The following THSD7B variants were observed in gnomAD, a reference collection of about 807,000 sequenced individuals.
The protein encoded by THSD7B is thrombospondin type 1 domain containing 7B, also known as thrombospondin type-1 domain-containing protein 7B.
Under a neutral mutation model 213.6 loss-of-function variants are expected in THSD7B, and 138 were observed. That is an observed-to-expected ratio of 0.65 (90% CI 0.56 to 0.74). The LOEUF (loss-of-function observed/expected upper bound fraction) is 0.74. Ranked by LOEUF, THSD7B falls within the 30% of genes least tolerant of loss-of-function variation. The probability of loss-of-function intolerance (pLI) is 0.00; values close to 1 mark genes in which losing one functional copy is unlikely to be tolerated. For missense variants in THSD7B, 1,931 were observed against 1,991.5 expected, an observed-to-expected ratio of 0.97 and a Z score of 0.58; for synonymous variants, 742 against 687.0, an observed-to-expected ratio of 1.08 and a Z score of -1.25.
At chr2:137,068,495 C>T (rs914700977) in intron 3 of THSD7B, among the ~76,000 whole-genome samples, 2 of 152,070 alleles carry the variant, frequency 1.3e-5, no homozygotes, top group African/African-American at 4.8e-5. Context: ...CCATAGTTGA[C>T]ATTGCTGTCT....
chr2:136,895,472 GT>G (rs1683940627), intron 2 of THSD7B, among the ~76,000 whole-genome samples: 1 of 142,252 alleles, frequency 7.0e-6, no homozygotes, highest in South Asian at 2.3e-4. Flanking sequence ...ATTTTGGGTG[GT>G]TGATGATCCA....
intron 2 of THSD7B, among the ~76,000 whole-genome samples, chr2:136,934,370 CAT>C (rs1356796070): frequency 6.6e-6 from 1 of 152,036 alleles, no homozygotes; most frequent in East Asian, 1.9e-4. Flanking sequence ...AAATGAGAAA[CAT>C]AACAATATAA....
At chr2:136,769,543 G>A (rs796973786) in intron 1 of THSD7B, among the ~76,000 whole-genome samples, 12 of 152,108 alleles carry the variant, frequency 7.9e-5, no homozygotes, top group African/African-American at 1.7e-4. Context: ...GAATCTAAGC[G>A]TGGTTTGTAA....
Position 137,563,323 on chromosome 2 carries a change from T to G in THSD7B, c.3241T>G (p.Cys1081Gly). ...KINNELRSLR[C>G]GGGTQSRKIR... ...CAACAATGAGCTGAGGTCCCTGCGC[T>G]GTGGAGGAGGAACACAATCTAGGAA... Residue 1081 changes from cysteine to glycine, a missense_variant, in exon 16 of 28, where the codon TGT becomes GGT. Transcript: ENST00000409968. 6.2e-7 allele frequency: 1 copy of G among 1,613,314 alleles called. No homozygotes were observed. Among genetic ancestry groups the G allele is most frequent in the Non-Finnish European group, 8.5e-7 (1 of 1,179,542 alleles).
intron 3 of THSD7B, among the ~76,000 whole-genome samples, chr2:137,074,500 C>T (rs570728887): frequency 6.6e-6 from 1 of 152,156 alleles, no homozygotes; most frequent in Non-Finnish European, 1.5e-5. Flanking sequence ...AGATGGGTTT[C>T]CTGAATAGAG....
chr2:137,394,412 A>G (rs1275858953), intron 12 of THSD7B, among the ~76,000 whole-genome samples: 1 of 138,546 alleles, frequency 7.2e-6, no homozygotes, highest in Non-Finnish European at 1.6e-5. Context: ...TGTTTATTAA[A>G]TAGGGAATCC....
chr2:137,545,100 G>A (rs78506175), intron 15 of THSD7B, among the ~76,000 whole-genome samples: 5,675 of 151,822 alleles, frequency 0.037, 171 homozygotes, highest in Admixed American at 0.083. Context: ...ATGTTTGTGG[G>A]AATGCAGCTG....
At chr2:137,434,574 G>T (rs772653634) in intron 14 of THSD7B, among the ~76,000 whole-genome samples, 4 of 152,194 alleles carry the variant, frequency 2.6e-5, no homozygotes, top group Admixed American at 6.5e-5. Flanking sequence ...TCTTTCACGA[G>T]CTCATGGCTC....
chr2:137,582,957 CA>C (rs1681615982), intron 17 of THSD7B, among the ~76,000 whole-genome samples: 1 of 152,224 alleles, frequency 6.6e-6, no homozygotes, highest in Non-Finnish European at 1.5e-5. Flanking sequence ...CTCCCACCAA[CA>C]GTGTAAAAGT....
intron 12 of THSD7B, among the ~76,000 whole-genome samples, chr2:137,370,856 CATTA>C (rs1235404385): frequency 4.6e-5 from 7 of 151,986 alleles, no homozygotes; most frequent in East Asian, 1.9e-4. Context: ...TATATAATTT[CATTA>C]ATTAATATAT....
chr2:136,970,406 T>C (rs542986056), intron 2 of THSD7B, among the ~76,000 whole-genome samples: 6 of 152,020 alleles, frequency 3.9e-5, no homozygotes, highest in African/African-American at 1.4e-4. Flanking sequence ...GCAGAGGTTG[T>C]AGTGAGCTGA....
chr2:137,424,507 T>C (rs141427087), intron 14 of THSD7B, among the ~76,000 whole-genome samples: 1 of 152,116 alleles, frequency 6.6e-6, no homozygotes, highest in African/African-American at 2.4e-5. Flanking sequence ...CCAAATTCAA[T>C]AGCACATTAA....
intron 21 of THSD7B, among the ~76,000 whole-genome samples, chr2:137,642,972 G>A (rs921344934): frequency 2.6e-5 from 4 of 152,158 alleles, no homozygotes; most frequent in African/African-American, 9.7e-5. Flanking sequence ...CTGATGCTGT[G>A]AAAATGCATA....
intron 2 of THSD7B, among the ~76,000 whole-genome samples, chr2:136,986,199 G>C (rs1172639625): frequency 6.6e-6 from 1 of 152,074 alleles, no homozygotes; most frequent in African/African-American, 2.4e-5. Flanking sequence ...ATTAGGGGGG[G>C]ACTATTACTA....
At chr2:137,205,020 G>A (rs913442913) in intron 7 of THSD7B, among the ~76,000 whole-genome samples, 6 of 151,992 alleles carry the variant, frequency 3.9e-5, no homozygotes, top group Admixed American at 1.3e-4. Context: ...CACCCACACG[G>A]ATGACCCAAA....
chr2:136,971,660 A>ACACACACACG (rs1169771861), intron 2 of THSD7B, among the ~76,000 whole-genome samples: 1 of 151,208 alleles, frequency 6.6e-6, no homozygotes, highest in Non-Finnish European at 1.5e-5. Flanking sequence ...ACACACACAC[A>ACACACACACG]CACACACACA....
At chr2:137,401,997 GA>G (rs1380275913) in intron 12 of THSD7B, among the ~76,000 whole-genome samples, 1 of 152,144 alleles carries the variant, frequency 6.6e-6, no homozygotes, top group Non-Finnish European at 1.5e-5. Context: ...GGATGACCAA[GA>G]AACAAATGAG....
At chr2:137,591,108 C>T (rs1681856908) in intron 17 of THSD7B, among the ~76,000 whole-genome samples, 1 of 151,462 alleles carries the variant, frequency 6.6e-6, no homozygotes, top group African/African-American at 2.4e-5. Flanking sequence ...AAAGTTTACC[C>T]CTTTGGTAAT....
chr2:137,082,380 T>C (rs557427933), intron 3 of THSD7B, among the ~76,000 whole-genome samples: 47 of 152,182 alleles, frequency 3.1e-4, no homozygotes, highest in African/African-American at 1.1e-3. Flanking sequence ...GCTCTGCTTG[T>C]TGATTTTCTT....
Sources: gnomAD v4.1 joint callset for allele counts (sites outside exome capture counted in the v4.1 genomes callset) on GRCh38, gnomAD v4.1.1 for gene constraint, MANE v1.5 for transcripts, NCBI Gene and HGNC (gene_info 2026-07-23, HGNC 2026-07-21) for gene names.